Variants in SRBD1 observed in about 807,000 individuals in gnomAD.
SRBD1 encodes S1 RNA binding domain 1, also known as S1 RNA-binding domain-containing protein 1.
A neutral mutation model predicts 115.3 loss-of-function variants in SRBD1; 88 were observed. The observed-to-expected ratio is 0.76, with a 90% CI of 0.64 to 0.91. The LOEUF (loss-of-function observed/expected upper bound fraction) is 0.91. SRBD1 is among the 40% of genes least tolerant of loss of function. The pLI, the probability that SRBD1 is intolerant of heterozygous loss-of-function variation, is 0.00. For synonymous variants in SRBD1, 509 were observed against 407.7 expected (o/e 1.25, Z -2.99); for missense variants, 1,385 against 1,177.4 (o/e 1.18, Z -2.58).
chr2:45,559,584 A>G (rs141217479), intron 10 of SRBD1, among the ~76,000 whole-genome samples: 148 of 152,366 alleles, frequency 9.7e-4, no homozygotes, highest in Non-Finnish European at 1.5e-3. Context: ...AATCTAGCAC[A>G]TAACTTGAAT....
chr2:45,407,001 C>G (rs918036484), intron 19 of SRBD1, among the ~76,000 whole-genome samples: 3 of 152,036 alleles, frequency 2.0e-5, no homozygotes, highest in Non-Finnish European at 2.9e-5. Context: ...TCATTAAAAT[C>G]TGGCTGCAAG....
chr2:45,430,351 A>G (rs1450156040), intron 16 of SRBD1, among the ~76,000 whole-genome samples: 1 of 152,194 alleles, frequency 6.6e-6, no homozygotes, highest in Non-Finnish European at 1.5e-5. Context: ...TCCTAAGCAA[A>G]AAGAACAAAG....
chr2:45,479,190 C>T (rs940375158), intron 15 of SRBD1, among the ~76,000 whole-genome samples: 7 of 152,196 alleles, frequency 4.6e-5, no homozygotes, highest in African/African-American at 1.2e-4. Flanking sequence ...CCCTATTCCC[C>T]GACACACAAC....
Position 45,555,752 on chromosome 2 carries a change from A to G in SRBD1, c.1410-2022T>C, listed in dbSNP as rs528927254. Among the ~76,000 whole-genome samples, 58 of 152,140 alleles carry G rather than the reference A, an allele frequency of 3.8e-4. 1 individual carries two copies. The South Asian group carries it at 0.011, about 28-fold the overall frequency. On this transcript the variant is annotated intron_variant, in intron 10 of 20. Transcript: ENST00000263736. ...CGTGATCTGCCCATGTCAGCCTCCCAAAGTGCTGGGATTGCAGGCGTGAGC... is the reference window on the plus strand; with the variant it reads ...CGTGATCTGCCCATGTCAGCCTCCCGAAGTGCTGGGATTGCAGGCGTGAGC...
chr2:45,536,595 A>G (rs1178862110), intron 14 of SRBD1, among the ~76,000 whole-genome samples: 1 of 152,184 alleles, frequency 6.6e-6, no homozygotes, highest in Non-Finnish European at 1.5e-5. Flanking sequence ...TTTCTTTGAC[A>G]TGAGGAATTT....
chr2:45,515,977 A>G (rs1671106473), intron 14 of SRBD1, among the ~76,000 whole-genome samples: 1 of 152,140 alleles, frequency 6.6e-6, no homozygotes, highest in African/African-American at 2.4e-5. Context: ...CTACTTCAGC[A>G]GCCCCTGCCT....
At chr2:45,592,677 G>T (rs1673762203) in intron 4 of SRBD1, among the ~76,000 whole-genome samples, 1 of 152,102 alleles carries the variant, frequency 6.6e-6, no homozygotes, top group Non-Finnish European at 1.5e-5. Context: ...CCTTCCACTG[G>T]TAACAAAGCC....
chr2:45,406,721 G>C (rs1006600056), intron 19 of SRBD1, among the ~76,000 whole-genome samples: 1 of 152,150 alleles, frequency 6.6e-6, no homozygotes, highest in Admixed American at 6.6e-5. Flanking sequence ...ACATACTCTA[G>C]AGAAGAATCC....
intron 16 of SRBD1, among the ~76,000 whole-genome samples, chr2:45,441,819 C>G (rs1302962014): frequency 6.6e-6 from 1 of 152,188 alleles, no homozygotes; most frequent in African/African-American, 2.4e-5. Flanking sequence ...CATCAATCAA[C>G]AGCAAACTCA....
chr2:45,444,362 T>C (rs768054892), intron 16 of SRBD1, among the ~76,000 whole-genome samples: 1 of 152,178 alleles, frequency 6.6e-6, no homozygotes, highest in Non-Finnish European at 1.5e-5. Flanking sequence ...AAGCTTATCA[T>C]TTCTTTACCA....
chr2:45,540,117 C>T (rs978616623), intron 14 of SRBD1, among the ~76,000 whole-genome samples: 52 of 152,060 alleles, frequency 3.4e-4, no homozygotes, highest in Middle Eastern at 3.4e-3. Context: ...CCATGGCAGG[C>T]GGATCATGAG....
At chr2:45,600,620 C>T (rs1483366878) in intron 3 of SRBD1, among the ~76,000 whole-genome samples, 1 of 152,122 alleles carries the variant, frequency 6.6e-6, no homozygotes, top group African/African-American at 2.4e-5. Flanking sequence ...CACAGCAGCC[C>T]ACACAGGTGT....
intron 16 of SRBD1, among the ~76,000 whole-genome samples, chr2:45,452,880 T>G (rs574468324): frequency 3.2e-4 from 49 of 152,146 alleles, no homozygotes; most frequent in African/African-American, 1.1e-3. Context: ...TAATGTGGAA[T>G]AAACTGTATA....
rs200687338 is a variant in SRBD1 at position 45,574,772 on chromosome 2, G to C, written c.1073-49C>G. On this transcript the variant is annotated intron_variant, in intron 7 of 20. Transcript: ENST00000263736. The stretch of plus-strand genomic sequence containing the variant: ...AAACAAAAACAAAAAGTATACGATT[G>C]GTTTTAAATTCTATAACTAAATCAC... 4 of 1,469,918 alleles carry C rather than the reference G, an allele frequency of 2.7e-6. No homozygotes were observed. In the South Asian group the frequency reaches 3.6e-5, roughly 13 times the overall value. The allele number at this position is 1,469,918 out of a possible 1,614,324, so 91.1% of individuals were successfully genotyped here. A position where few individuals can be genotyped will look rare whatever the true frequency, so the allele number is the denominator to read the frequency against.
Position 45,518,982 on chromosome 2 carries a change from AT to A in SRBD1, c.1874+27749del, listed in dbSNP as rs776322737. On this transcript the variant is annotated intron_variant, in intron 14 of 20. Coordinates refer to ENST00000263736, the MANE Select transcript of SRBD1 (RefSeq NM_018079.5). The stretch of plus-strand genomic sequence containing the variant: ...ATAAGGCTAAAAAAAAAAAAAAAAA[AT>A]CTCACCATTTTTCTCTAGCAGAATT... Among the ~76,000 whole-genome samples, 433 of 148,094 alleles carry A rather than the reference AT, an allele frequency of 2.9e-3. 9 individuals are homozygous for A. Among genetic ancestry groups the A allele is most frequent in the Non-Finnish European group, 4.0e-3 (267 of 66,704 alleles).
intron 19 of SRBD1, among the ~76,000 whole-genome samples, chr2:45,405,980 C>T (rs180839669): frequency 5.7e-4 from 87 of 151,980 alleles, no homozygotes; most frequent in Non-Finnish European, 9.9e-4. Flanking sequence ...TAGGGAGACC[C>T]CAGCAATAAT....
In SRBD1 at chr2:45,419,894, G is replaced by A. The variant is rs1239595608; in HGVS notation, c.2050C>T (p.His684Tyr). The A allele has an allele frequency of 3.1e-6, 5 of 1,611,798 alleles. No individual in the cohort carries two copies. Among genetic ancestry groups the A allele is most frequent in the Non-Finnish European group, 4.2e-6 (5 of 1,178,908 alleles). Residue 684 changes from histidine to tyrosine, a missense_variant and splice_region_variant, in exon 17 of 21, where the codon CAT becomes TAT. By Grantham distance (83) the His-to-Tyr change is moderately conservative (BLOSUM62 2). Transcript: ENST00000263736. ...TTGAGTAAAGTCTGGGATACGTCAT[G>A]CTGAAAAGACAAAGATCAAATATTA... ...PKHIGVGMYQ[H>Y]DVSQTLLKAT... is the part of the protein sequence containing the mutation.
At chr2:45,470,892 C>T (rs1215929418) in intron 16 of SRBD1, among the ~76,000 whole-genome samples, 2 of 152,148 alleles carry the variant, frequency 1.3e-5, no homozygotes, top group African/African-American at 2.4e-5. Context: ...AGGATTGGAA[C>T]GCTGCCTTTA....
At chr2:45,609,516 C>T (rs1386754374) in intron 1 of SRBD1, among the ~76,000 whole-genome samples, 1 of 152,168 alleles carries the variant, frequency 6.6e-6, no homozygotes, top group East Asian at 1.9e-4. Flanking sequence ...AATTACTTCC[C>T]ACCCCATCCT....
Sources: gnomAD v4.1 joint callset for allele counts (sites outside exome capture counted in the v4.1 genomes callset) on GRCh38, gnomAD v4.1.1 for gene constraint, MANE v1.5 for transcripts, NCBI Gene and HGNC (gene_info 2026-07-23, HGNC 2026-07-21) for gene names.